MYCBP2: variants seen among roughly 807,000 people sequenced by gnomAD.
MYCBP2 encodes E3 ubiquitin-protein ligase MYCBP2.
A neutral mutation model predicts 525.3 loss-of-function variants in MYCBP2; 120 were observed. That is an observed-to-expected ratio of 0.23 (90% CI 0.20 to 0.27). MYCBP2 has a LOEUF of 0.27. Among genes scored for constraint, MYCBP2 ranks in the 10% least tolerant of loss-of-function variants. The pLI is 1.00. For missense variants in MYCBP2, 4,149 were observed against 5,657.1 expected (o/e 0.73, Z 8.55); for synonymous variants, 1,894 against 1,955.8 (o/e 0.97, Z 0.83).
intron 1 of MYCBP2, among the ~76,000 whole-genome samples, chr13:77,303,095 G>A (rs930604321): frequency 3.3e-5 from 5 of 152,226 alleles, no homozygotes; most frequent in African/African-American, 1.2e-4. Context: ...AGCACTTTGG[G>A]AGGCCAAGGC....
intron 2 of MYCBP2, among the ~76,000 whole-genome samples, chr13:77,290,478 G>T (rs1028575372): frequency 1.1e-4 from 17 of 152,044 alleles, no homozygotes; most frequent in African/African-American, 3.9e-4. Flanking sequence ...TCTTTTAATG[G>T]GTAAATGGTT....
chr13:77,096,676 C>T lies in MYCBP2; in HGVS notation c.9785-195G>A, dbSNP rs77806805. ...TCAAAAAGCAATCAATTAAATGATG[C>T]CCCAAATATGAGAGATACTTAGTTT... On this transcript the variant is annotated intron_variant, in intron 56 of 82. Coordinates refer to ENST00000544440, the MANE Select transcript of MYCBP2 (RefSeq NM_015057.5). Among the ~76,000 whole-genome samples the T allele has an allele frequency of 6.2e-3, 947 of 151,948 alleles. 8 individuals carry two copies. Among genetic ancestry groups the T allele is most frequent in the Non-Finnish European group, 9.4e-3 (641 of 67,952 alleles).
At chr13:77,217,784 C>T (rs1220227434) in intron 21 of MYCBP2, 56 bp downstream of exon 21, 1 of 1,102,388 alleles carries the variant, frequency 9.1e-7, no homozygotes, top group African/African-American at 1.6e-5. Flanking sequence ...CTAATATAGA[C>T]AAATTATAAG....
chr13:77,284,126 C>T (rs1203649171), intron 3 of MYCBP2, among the ~76,000 whole-genome samples: 1 of 151,448 alleles, frequency 6.6e-6, no homozygotes, highest in Non-Finnish European at 1.5e-5. Flanking sequence ...AACAGTCAAA[C>T]TCAATTTATT....
intron 1 of MYCBP2, among the ~76,000 whole-genome samples, chr13:77,299,563 A>C (rs1032788123): frequency 6.6e-6 from 1 of 152,186 alleles, no homozygotes; most frequent in African/African-American, 2.4e-5. Context: ...TAAAAATGCC[A>C]TTTGCTAGTA....
chr13:77,186,194 T>A, intron 30 of MYCBP2, 131 bp from the exon 31 acceptor site: 1 of 578,546 alleles, frequency 1.7e-6, no homozygotes, highest in Non-Finnish European at 2.8e-6. Context: ...TTTAATTGAA[T>A]TTTTTTTACT....
At chr13:77,249,858 T>C (rs1399613018) in intron 15 of MYCBP2, among the ~76,000 whole-genome samples, 1 of 152,216 alleles carries the variant, frequency 6.6e-6, no homozygotes, top group African/African-American at 2.4e-5. Flanking sequence ...CATAAAGCAC[T>C]ACAGAATAAA....
chr13:77,121,622 G>C, intron 54 of MYCBP2, 127 bp from the exon 55 acceptor site: 1 of 933,646 alleles, frequency 1.1e-6, no homozygotes, highest in Non-Finnish European at 1.5e-6. Flanking sequence ...ATCTAGATTT[G>C]ATCAATTTAA....
In MYCBP2 at chr13:77,070,723, A is replaced by G. The variant is rs544852256; in HGVS notation, c.11824-12T>C. ...GCATCTGATGTTGCCTTTACATAGA[A>G]AAAGAAAAAAAAAAAAAAGAATGAA... On this transcript the variant is annotated splice_polypyrimidine_tract_variant and intron_variant, in intron 68 of 82. Transcript: ENST00000544440. The G allele has an allele frequency of 2.6e-5, 41 of 1,552,260 alleles. No homozygotes were observed. In the African/African-American group the frequency reaches 4.2e-4, roughly 16 times the overall value.
At chr13:77,266,175 G>A (rs549775036) in intron 8 of MYCBP2, among the ~76,000 whole-genome samples, 5 of 152,298 alleles carry the variant, frequency 3.3e-5, no homozygotes, top group African/African-American at 1.2e-4. Context: ...TTTCTCAGAA[G>A]TAAATCCTTG....
chr13:77,172,215 T>A (rs1477895341), intron 37 of MYCBP2, among the ~76,000 whole-genome samples: 1 of 152,124 alleles, frequency 6.6e-6, no homozygotes, highest in Non-Finnish European at 1.5e-5. Flanking sequence ...ATTTTTTTTT[T>A]TTTTTAAAGA....
At chr13:77,291,121 G>GT (rs1199765870) in intron 2 of MYCBP2, among the ~76,000 whole-genome samples, 2 of 152,108 alleles carry the variant, frequency 1.3e-5, no homozygotes, top group Non-Finnish European at 2.9e-5. Flanking sequence ...CAGGAGAAAT[G>GT]TATTTGGAAT....
chr13:77,152,640 T>C (rs1222215889), intron 46 of MYCBP2, among the ~76,000 whole-genome samples: 2 of 152,150 alleles, frequency 1.3e-5, no homozygotes. Flanking sequence ...GACGCGCGGC[T>C]TAACCTCAGA....
chr13:77,225,638 A>G, intron 18 of MYCBP2, 84 bp from the exon 19 acceptor site: 1 of 1,519,584 alleles, frequency 6.6e-7, no homozygotes, highest in South Asian at 1.2e-5. Flanking sequence ...TTATGGAAGA[A>G]CAAGAGAAAA....
rs765747980 is a variant in MYCBP2, at chr13:77,168,685, G to A, written c.5896-39C>T. The A allele has an allele frequency of 2.0e-5, 31 of 1,567,076 alleles. No homozygotes were observed. In the African/African-American group the frequency reaches 2.0e-4, roughly 10 times the overall value. Reference sequence around the variant, plus strand: ...AAAAATATGGTTAAATGAGATACACGTGAAAGTGGTTCTAAAATTATGCAT... The same window carrying A: ...AAAAATATGGTTAAATGAGATACACATGAAAGTGGTTCTAAAATTATGCAT... On this transcript the variant is annotated intron_variant, in intron 39 of 82. Transcript: ENST00000544440.
chr13:77,215,052 A>G (rs1004441833), intron 21 of MYCBP2, among the ~76,000 whole-genome samples: 1 of 152,202 alleles, frequency 6.6e-6, no homozygotes, highest in Non-Finnish European at 1.5e-5. Context: ...ATTACCTCCA[A>G]GTATGGAATG....
chr13:77,184,960 C>T (rs1391334481), intron 32 of MYCBP2, 143 bp downstream of exon 32: 2 of 807,952 alleles, frequency 2.5e-6, no homozygotes, highest in African/African-American at 1.7e-5. Flanking sequence ...TTAAACTTTG[C>T]TTATATAAGT....
intron 26 of MYCBP2, among the ~76,000 whole-genome samples, chr13:77,200,353 A>T (rs1469438790): frequency 6.6e-6 from 1 of 152,176 alleles, no homozygotes; most frequent in Non-Finnish European, 1.5e-5. Context: ...AAAAGAATAA[A>T]AAGAAACGAA....
intron 15 of MYCBP2, among the ~76,000 whole-genome samples, chr13:77,249,818 G>T (rs953578590): frequency 2.6e-5 from 4 of 152,138 alleles, no homozygotes; most frequent in African/African-American, 9.6e-5. Context: ...AAAGAAGTTA[G>T]GTGCTTAAAA....
Sources: gnomAD v4.1 joint callset for allele counts (sites outside exome capture counted in the v4.1 genomes callset) on GRCh38, gnomAD v4.1.1 for gene constraint, MANE v1.5 for transcripts, NCBI Gene and HGNC (gene_info 2026-07-23, HGNC 2026-07-21) for gene names.